Variants in CFAP221 observed in about 807,000 individuals in gnomAD.
CFAP221 encodes cilia and flagella associated protein 221.
Under a neutral mutation model 113.1 loss-of-function variants are expected in CFAP221, and 97 were observed. The observed-to-expected ratio is 0.86, with a 90% CI of 0.73 to 1.02. The LOEUF is 1.02. Among genes scored for constraint, CFAP221 ranks in the 50% least tolerant of loss-of-function variants. CFAP221 has a pLI of 0.00. For synonymous variants in CFAP221, 331 were observed against 354.4 expected (o/e 0.93, Z 0.74); for missense variants, 1,025 against 1,013.4 (o/e 1.01, Z -0.16).
At chr2:119,651,885 C>T in intron 22 of CFAP221, 89 bp from the exon 23 acceptor site, 1 of 998,534 alleles carries the variant, frequency 1.0e-6, no homozygotes, top group East Asian at 2.8e-5. Flanking sequence ...ACAAGAATTG[C>T]ATAACTCCTA....
chr2:119,601,829 A>G (rs1316314562), intron 8 of CFAP221, among the ~76,000 whole-genome samples: 2 of 152,242 alleles, frequency 1.3e-5, no homozygotes, highest in African/African-American at 4.8e-5. Flanking sequence ...AGACCAAAAT[A>G]AGTCATATAA....
chr2:119,658,101 T>A (rs1355932225), downstream of CFAP221, among the ~76,000 whole-genome samples: 1 of 152,194 alleles, frequency 6.6e-6, no homozygotes, highest in African/African-American at 2.4e-5. Context: ...ATTCCCACTT[T>A]AGCATCCATT....
chr2:119,583,486 C>G (rs1420509506), intron 6 of CFAP221, among the ~76,000 whole-genome samples: 2 of 143,344 alleles, frequency 1.4e-5, no homozygotes, highest in Admixed American at 7.2e-5. Context: ...CAATTTTTTA[C>G]ATAGAAAATC....
chr2:119,641,314 C>T (rs984567113), intron 21 of CFAP221, among the ~76,000 whole-genome samples: 3 of 152,182 alleles, frequency 2.0e-5, no homozygotes, highest in African/African-American at 7.2e-5. Flanking sequence ...ATGGCAAGAG[C>T]TCAAAAATAT....
intron 7 of CFAP221, among the ~76,000 whole-genome samples, chr2:119,599,952 G>A (rs763067118): frequency 3.3e-5 from 5 of 152,082 alleles, no homozygotes; most frequent in Admixed American, 6.5e-5. Flanking sequence ...TTGGGCGCAG[G>A]GAGAAGGGAG....
chr2:119,569,850 C>T (rs747423812), intron 6 of CFAP221, among the ~76,000 whole-genome samples: 15 of 152,172 alleles, frequency 9.9e-5, no homozygotes, highest in Non-Finnish European at 1.8e-4. Context: ...CTTTTTGGTT[C>T]TTCTTTAGGA....
Position 119,611,660 on chromosome 2 carries a change from G to C in CFAP221, c.1229G>C (p.Arg410Thr). The C allele has an allele frequency of 1.2e-6, 2 of 1,613,036 alleles. No homozygotes were observed. The highest frequency in any genetic ancestry group is 1.7e-6 in the Non-Finnish European group (2 of 1,179,596). Residue 410 changes from arginine to threonine, a missense_variant, in exon 13 of 24, where the codon AGA becomes ACA. Arg to Thr is a moderately conservative substitution (Grantham distance 71). Coordinates refer to ENST00000413369, the MANE Select transcript of CFAP221 (RefSeq NM_001271049.2). ...QKACAKYKLD[R>T]GDPILDEEFQ... ...TGATGATTAAAAACCCAGCTAGACA[G>C]AGGAGATCCTATTTTGGATGAGGAA...
At chr2:119,562,988 A>G (rs1032886459) in intron 6 of CFAP221, among the ~76,000 whole-genome samples, 15 of 152,212 alleles carry the variant, frequency 9.9e-5, no homozygotes, top group African/African-American at 3.4e-4. Context: ...CATCTCTACA[A>G]AATAAAAATT....
intron 6 of CFAP221, among the ~76,000 whole-genome samples, chr2:119,569,517 C>T (rs915954986): frequency 6.6e-6 from 1 of 151,620 alleles, no homozygotes; most frequent in African/African-American, 2.4e-5. Context: ...TTGCATTTAT[C>T]CTCAGTGGTT....
intron 14 of CFAP221, among the ~76,000 whole-genome samples, chr2:119,618,352 A>G (rs1423489046): frequency 6.6e-6 from 1 of 152,230 alleles, no homozygotes; most frequent in Non-Finnish European, 1.5e-5. Context: ...CCAATGCAGA[A>G]GGCAGGTGAT....
chr2:119,571,016 T>C (rs1408720142), intron 6 of CFAP221, among the ~76,000 whole-genome samples: 1 of 152,120 alleles, frequency 6.6e-6, no homozygotes, highest in Non-Finnish European at 1.5e-5. Context: ...AAGGTGGATC[T>C]CTTGAGCTCA....
At chr2:119,647,970 C>A (rs1399374672) in intron 22 of CFAP221, among the ~76,000 whole-genome samples, 1 of 152,164 alleles carries the variant, frequency 6.6e-6, no homozygotes. Context: ...ACCACCACCA[C>A]CACCGCCACT....
At chr2:119,650,768 A>C (rs1407806103) in intron 22 of CFAP221, among the ~76,000 whole-genome samples, 1 of 152,250 alleles carries the variant, frequency 6.6e-6, no homozygotes, top group Non-Finnish European at 1.5e-5. Context: ...AGTGATTTGC[A>C]TATAGCAGCT....
At position 119,630,759 on chromosome 2, in the gene CFAP221, C is replaced by T; in HGVS notation, c.1840-8C>T. On this transcript the variant is annotated splice_region_variant and splice_polypyrimidine_tract_variant and intron_variant, in intron 18 of 23. Coordinates refer to ENST00000413369, the MANE Select transcript of CFAP221 (RefSeq NM_001271049.2). ...CAAAACTAACGTGCTGTCCTTGCTC[C>T]TTGTTAGGATGAAGTCACCACCATC... The T allele has an allele frequency of 2.5e-6, 4 of 1,609,484 alleles. No homozygotes were observed. The highest frequency in any genetic ancestry group is 3.4e-6 in the Non-Finnish European group (4 of 1,176,090).
intron 16 of CFAP221, among the ~76,000 whole-genome samples, 174 bp from the exon 17 acceptor site, chr2:119,629,701 G>C (rs576384582): frequency 6.6e-6 from 1 of 152,194 alleles, no homozygotes; most frequent in Non-Finnish European, 1.5e-5. Flanking sequence ...CATGGAGGAG[G>C]GGGTGATCAG....
chr2:119,597,759 TC>T (rs1205415920), intron 7 of CFAP221, among the ~76,000 whole-genome samples: 1 of 152,214 alleles, frequency 6.6e-6, no homozygotes, highest in Non-Finnish European at 1.5e-5. Flanking sequence ...TCTAGAGGTT[TC>T]CCATTGGTTA....
chr2:119,559,640 T>C lies in CFAP221; in HGVS notation c.241-49T>C, dbSNP rs760619972. On this transcript the variant is annotated intron_variant, in intron 3 of 23. Transcript: ENST00000413369. The stretch of plus-strand genomic sequence containing the variant: ...GAAGTCTACATAAATGAGGTGAGTA[T>C]GCAAATAAAGCCGTGTATTTCCTCT... The C allele has an allele frequency of 3.8e-5, 54 of 1,406,176 alleles. 3 individuals carry two copies. In the South Asian group the frequency reaches 6.0e-4, roughly 16 times the overall value. The allele number at this position is 1,406,176 out of a possible 1,614,324, so 87.1% of individuals were successfully genotyped here.
In CFAP221 at chr2:119,625,573, C is replaced by G. The variant is rs762351856; in HGVS notation, c.1411-10C>G. 1.9e-6 allele frequency: 3 copies of G among 1,599,414 alleles called. No homozygotes were observed. Among genetic ancestry groups the G allele is most frequent in the Admixed American group, 1.7e-5 (1 of 59,870 alleles). On this transcript the variant is annotated splice_polypyrimidine_tract_variant and intron_variant, in intron 14 of 23. Coordinates refer to ENST00000413369, the MANE Select transcript of CFAP221 (RefSeq NM_001271049.2). ...TAATAATTTGAAATCATTATCCACTCCAATTTCAGGTCATGATTCAGGGAC... is the reference window on the plus strand; with the variant it reads ...TAATAATTTGAAATCATTATCCACTGCAATTTCAGGTCATGATTCAGGGAC...
At chr2:119,598,698 T>C (rs1303393185) in intron 7 of CFAP221, among the ~76,000 whole-genome samples, 1 of 152,198 alleles carries the variant, frequency 6.6e-6, no homozygotes, top group Non-Finnish European at 1.5e-5. Context: ...TTGGCACGCC[T>C]TTTACAGCTG....
Sources: allele counts gnomAD v4.1 joint callset (sites outside exome capture counted in the v4.1 genomes callset), GRCh38; gene constraint gnomAD v4.1.1; transcripts MANE v1.5; gene names NCBI Gene and HGNC (gene_info 2026-07-23, HGNC 2026-07-21).